Variants in CFAP47 observed in about 807,000 individuals in gnomAD.
CFAP47 encodes cilia- and flagella-associated protein 47.
In CFAP47, 29 loss-of-function variants were observed where a neutral mutation model predicts 148.1. That is an observed-to-expected ratio of 0.20 (90% confidence interval 0.15 to 0.27). The LOEUF (loss-of-function observed/expected upper bound fraction) is 0.27, where lower values mean the gene tolerates loss of function less well. Ranked by LOEUF, CFAP47 falls within the 10% of genes least tolerant of loss-of-function variation. The pLI, the probability that CFAP47 is intolerant of heterozygous loss-of-function variation, is 1.00. For synonymous variants in CFAP47, 664 were observed against 577.3 expected, an observed-to-expected ratio of 1.15 and a Z score of -2.15; for missense variants, 1,872 against 1,697.5, an observed-to-expected ratio of 1.10 and a Z score of -1.81.
rs949967410 is a variant in CFAP47 at position 35,939,925 on chromosome X, T to C, written c.402-1358T>C. Among the ~76,000 whole-genome samples the C allele has an allele frequency of 5.9e-5, 6 of 101,845 alleles. No homozygotes were observed. In the South Asian group the frequency reaches 2.5e-3, roughly 42 times the overall value. The allele number at this position is 101,845 out of a possible 115,157, so 88.4% of individuals were successfully genotyped here. A position where few individuals can be genotyped will look rare whatever the true frequency, so the allele number is the denominator to read the frequency against. ...CAGTCCCACCAACAGTGTAAAAGTG[T>C]TCCTATTTCTCCACGTCCTCTCCAG... On this transcript the variant is annotated intron_variant, in intron 2 of 63. Transcript: ENST00000378653.
intron 57 of CFAP47, among the ~76,000 whole-genome samples, chrX:36,324,401 A>C: frequency 9.1e-6 from 1 of 109,639 alleles, no homozygotes; most frequent in East Asian, 2.9e-4. Context: ...CTACTTTACA[A>C]ATCTACACAT....
At chrX:36,359,959 T>C (rs1349403773) in intron 60 of CFAP47, among the ~76,000 whole-genome samples, 1 of 110,938 alleles carries the variant, frequency 9.0e-6, no homozygotes, top group Non-Finnish European at 1.9e-5. Context: ...TTCACTGTGT[T>C]AGCCAGGATG....
intron 33 of CFAP47, among the ~76,000 whole-genome samples, chrX:36,124,040 A>G (rs954484328): frequency 1.8e-5 from 2 of 111,460 alleles, no homozygotes; most frequent in East Asian, 2.9e-4. Flanking sequence ...CTTTCATGGC[A>G]GTGGGTTCCC....
At chrX:36,368,015 A>G (rs1265741391) in intron 62 of CFAP47, 1 of 111,667 alleles carries the variant, frequency 9.0e-6, no homozygotes, top group Non-Finnish European at 1.9e-5. Flanking sequence ...AGTGGTGAAC[A>G]GTTAAATGTA....
chrX:36,033,980 C>A (rs1395619102), intron 23 of CFAP47, among the ~76,000 whole-genome samples: 2 of 111,154 alleles, frequency 1.8e-5, no homozygotes, highest in Non-Finnish European at 3.8e-5. Context: ...TACCATAGGG[C>A]ATTTTTTTAA....
intron 57 of CFAP47, among the ~76,000 whole-genome samples, chrX:36,321,341 A>G (rs1351972415): frequency 9.0e-6 from 1 of 111,302 alleles, no homozygotes; most frequent in African/African-American, 3.3e-5. Flanking sequence ...GGAGATGGAG[A>G]GTAGAATGAT....
intron 57 of CFAP47, among the ~76,000 whole-genome samples, chrX:36,338,136 A>G (rs1332778102): frequency 9.9e-6 from 1 of 101,468 alleles, no homozygotes; most frequent in Non-Finnish European, 2.0e-5. Context: ...ATCCGCCCAC[A>G]TCGGCCTCCC....
chrX:36,353,231 C>A (rs1392403182), intron 59 of CFAP47, among the ~76,000 whole-genome samples: 2 of 109,883 alleles, frequency 1.8e-5, no homozygotes, highest in Non-Finnish European at 3.8e-5. Context: ...TACATCAGTT[C>A]CCGAATCAAA....
At chrX:36,290,857 C>A (rs782181230) in intron 51 of CFAP47, among the ~76,000 whole-genome samples, 1 of 112,064 alleles carries the variant, frequency 8.9e-6, no homozygotes, top group East Asian at 2.8e-4. Flanking sequence ...TTCTGTCTGT[C>A]GCCACCACCA....
intron 35 of CFAP47, among the ~76,000 whole-genome samples, chrX:36,140,667 G>A (rs902107949): frequency 9.0e-6 from 1 of 111,408 alleles, no homozygotes. Flanking sequence ...ATTAATGCTG[G>A]TGCTTGTACT....
Position 36,039,130 on chromosome X carries a change from G to A in CFAP47, c.3958G>A (p.Asp1320Asn). The change falls in exon 25 of 64, where the codon GAT becomes AAT. Residue 1320 changes from aspartate (D) to asparagine (N), a missense_variant. Coordinates refer to ENST00000378653, the MANE Select transcript of CFAP47 (RefSeq NM_001304548.2). ...PFIFFTPVPL[D>N]ITTVMDINIL... The stretch of plus-strand genomic sequence containing the variant: ...TATATTTTTCACTCCTGTTCCTTTG[G>A]ATATAACAACTGTAATGGATATCAA... The A allele has an allele frequency of 1.8e-6, 2 of 1,103,452 alleles. No individual in the cohort carries two copies. Among genetic ancestry groups the A allele is most frequent in the Non-Finnish European group, 1.2e-6 (1 of 821,434 alleles). The allele number at this position is 1,103,452 out of a possible 1,213,427, so 90.9% of individuals were successfully genotyped here.
At chrX:36,281,915 T>C (rs1602088816) in intron 50 of CFAP47, among the ~76,000 whole-genome samples, 2 of 111,465 alleles carry the variant, frequency 1.8e-5, no homozygotes, top group East Asian at 5.6e-4. Flanking sequence ...TATAGAAATA[T>C]CACTAAAGAT....
chrX:36,097,556 TA>T (rs1938299417), intron 30 of CFAP47, among the ~76,000 whole-genome samples: 1 of 111,477 alleles, frequency 9.0e-6, no homozygotes, highest in African/African-American at 3.3e-5. Context: ...TTCAGCACTT[TA>T]AATATGTCAT....
intron 18 of CFAP47, among the ~76,000 whole-genome samples, chrX:35,997,047 C>CA (rs767194981): frequency 1.8e-5 from 2 of 111,311 alleles, no homozygotes; most frequent in Non-Finnish European, 3.8e-5. Flanking sequence ...AAAGTTTAGT[C>CA]AAATAGGTAG....
At chrX:36,328,205 A>T (rs960923954) in intron 57 of CFAP47, among the ~76,000 whole-genome samples, 1 of 112,384 alleles carries the variant, frequency 8.9e-6, no homozygotes, top group Non-Finnish European at 1.9e-5. Context: ...TAAAAATGTC[A>T]TTTAAAATAC....
intron 23 of CFAP47, among the ~76,000 whole-genome samples, chrX:36,031,900 A>G (rs898561039): frequency 5.4e-5 from 6 of 110,742 alleles, no homozygotes; most frequent in Admixed American, 9.7e-5. Context: ...TTTGTCTTAT[A>G]TATTGCTATA....
At chrX:35,979,164 C>G (rs974892558) in intron 15 of CFAP47, among the ~76,000 whole-genome samples, 4 of 109,802 alleles carry the variant, frequency 3.6e-5, no homozygotes, top group African/African-American at 1.3e-4. Context: ...TTTTTAGTAG[C>G]GATGGGGTTT....
chrX:36,337,759 CTG>C (rs1264504076), intron 57 of CFAP47, among the ~76,000 whole-genome samples: 3 of 110,172 alleles, frequency 2.7e-5, no homozygotes, highest in Non-Finnish European at 5.7e-5. Context: ...GAAAAGGACT[CTG>C]TGCTCATATT....
At chrX:36,046,419 A>G (rs1317192097) in intron 25 of CFAP47, among the ~76,000 whole-genome samples, 1 of 111,029 alleles carries the variant, frequency 9.0e-6, no homozygotes, top group Non-Finnish European at 1.9e-5. Flanking sequence ...TATGCGCTTA[A>G]TAGTATCCAA....
Sources: allele counts gnomAD v4.1 joint callset (sites outside exome capture counted in the v4.1 genomes callset), GRCh38; gene constraint gnomAD v4.1.1; transcripts MANE v1.5; gene names NCBI Gene and HGNC (gene_info 2026-07-23, HGNC 2026-07-21).